PPP1R9A: variants seen among roughly 807,000 people sequenced by gnomAD.
The protein encoded by PPP1R9A is neurabin-1.
In PPP1R9A, 59 loss-of-function variants were observed where a neutral mutation model predicts 141.9. The ratio of observed to expected loss-of-function variants is 0.42; its 90% CI spans 0.34 to 0.52. The LOEUF (loss-of-function observed/expected upper bound fraction) is 0.52. Among genes scored for constraint, PPP1R9A ranks in the 20% least tolerant of loss-of-function variants. PPP1R9A has a pLI of 0.10. For synonymous variants in PPP1R9A, 500 were observed against 569.7 expected, an observed-to-expected ratio of 0.88 and a Z score of 1.74; for missense variants, 1,444 against 1,611.9, an observed-to-expected ratio of 0.90 and a Z score of 1.78.
chr7:95,270,447 A>G (rs1801999704), intron 14 of PPP1R9A, among the ~76,000 whole-genome samples: 1 of 152,172 alleles, frequency 6.6e-6, no homozygotes, highest in Admixed American at 6.6e-5. Flanking sequence ...TCAATACCAC[A>G]TTTACAAATC....
At chr7:94,919,511 T>C (rs955220329) in intron 2 of PPP1R9A, among the ~76,000 whole-genome samples, 4 of 152,086 alleles carry the variant, frequency 2.6e-5, no homozygotes, top group Non-Finnish European at 5.9e-5. Flanking sequence ...TTGGTCTTTT[T>C]ATAGCGTGAA....
At chr7:95,231,141 TAA>T (rs979328419) in intron 8 of PPP1R9A, among the ~76,000 whole-genome samples, 8 of 151,898 alleles carry the variant, frequency 5.3e-5, no homozygotes, top group Admixed American at 5.3e-4. Flanking sequence ...CAACAGCAGT[TAA>T]AAAAAGACAA....
At chr7:94,917,296 A>G (rs1792200355) in intron 2 of PPP1R9A, among the ~76,000 whole-genome samples, 2 of 152,198 alleles carry the variant, frequency 1.3e-5, no homozygotes, top group African/African-American at 4.8e-5. Context: ...TTTTAAACTG[A>G]ACAGTGATCA....
At chr7:95,049,744 T>A (rs1002612396) in intron 2 of PPP1R9A, among the ~76,000 whole-genome samples, 2 of 152,236 alleles carry the variant, frequency 1.3e-5, no homozygotes, top group African/African-American at 4.8e-5. Context: ...TTTGCCCTTT[T>A]CAGAATGTAC....
intron 2 of PPP1R9A, among the ~76,000 whole-genome samples, chr7:95,056,913 A>G (rs1811569473): frequency 6.6e-6 from 1 of 152,166 alleles, no homozygotes; most frequent in Non-Finnish European, 1.5e-5. Flanking sequence ...AAAAATTATC[A>G]GACACACCTT....
intron 12 of PPP1R9A, among the ~76,000 whole-genome samples, chr7:95,258,637 A>G (rs938902519): frequency 3.3e-5 from 5 of 152,212 alleles, no homozygotes; most frequent in Non-Finnish European, 7.4e-5. Flanking sequence ...TGTTGTCCAC[A>G]ATAAATTAAG....
intron 9 of PPP1R9A, among the ~76,000 whole-genome samples, chr7:95,248,503 G>A (rs1798450818): frequency 6.6e-6 from 1 of 152,062 alleles, no homozygotes; most frequent in Non-Finnish European, 1.5e-5. Context: ...AGTGGCGGTT[G>A]CTAAATAAAC....
chr7:95,079,706 C>G (rs1287029264), intron 2 of PPP1R9A, among the ~76,000 whole-genome samples: 2 of 152,182 alleles, frequency 1.3e-5, no homozygotes, highest in African/African-American at 4.8e-5. Context: ...TACTGGCAAA[C>G]TGAATCCAGC....
At chr7:94,957,422 A>G (rs938461937) in intron 2 of PPP1R9A, among the ~76,000 whole-genome samples, 2 of 152,068 alleles carry the variant, frequency 1.3e-5, no homozygotes, top group African/African-American at 4.8e-5. Context: ...AAAATAAATG[A>G]TTTTGCTAGA....
chr7:95,238,809 T>G (rs1184328175), intron 8 of PPP1R9A, among the ~76,000 whole-genome samples: 2 of 152,166 alleles, frequency 1.3e-5, no homozygotes, highest in Non-Finnish European at 2.9e-5. Flanking sequence ...TTGTCATACT[T>G]GATTGTTTAA....
rs918166765 is a variant in PPP1R9A at position 95,293,333 on chromosome 7, G to A, written c.*3030G>A. 2.6e-5 allele frequency: 4 copies of A among 152,108 alleles called. No homozygotes were observed. The highest frequency in any genetic ancestry group is 2.0e-4 in the Admixed American group (3 of 15,272). The allele number at this position is 152,108 out of a possible 1,614,324, so 9.4% of individuals were successfully genotyped here. On this transcript the variant is annotated 3_prime_UTR_variant, in exon 20 of 20. Transcript: ENST00000433360. ...TCAGGAATTTTCTGCAGAATGTTAAGTTAGGGAAGAAACCTCATTTCATCC... is the reference window on the plus strand; with the variant it reads ...TCAGGAATTTTCTGCAGAATGTTAAATTAGGGAAGAAACCTCATTTCATCC...
chr7:94,992,844 TTATTTATTCTGAATATAAGTAATA>T (rs1254724072), intron 2 of PPP1R9A, among the ~76,000 whole-genome samples: 1 of 152,094 alleles, frequency 6.6e-6, no homozygotes, highest in African/African-American at 2.4e-5. Flanking sequence ...GTTTTAAGAG[TTATTTATTCTGAATATAAGTAATA>T]TATTTATTCT....
chr7:95,072,822 AT>A (rs1352795247), intron 2 of PPP1R9A, among the ~76,000 whole-genome samples: 6 of 61,932 alleles, frequency 9.7e-5, no homozygotes, highest in African/African-American at 4.5e-4. Context: ...TATAATAATT[AT>A]TATATATATA....
Position 95,269,037 on chromosome 7 carries a change from C to T in PPP1R9A, c.2824-170C>T, listed in dbSNP as rs554590707. Among the ~76,000 whole-genome samples, 7 of 152,176 alleles carry T rather than the reference C, an allele frequency of 4.6e-5. No individual in the cohort carries two copies. In the East Asian group the frequency reaches 5.8e-4, roughly 13 times the overall value. On this transcript the variant is annotated intron_variant, in intron 13 of 19. Coordinates refer to ENST00000433360, the MANE Select transcript of PPP1R9A (RefSeq NM_001166160.2). The stretch of plus-strand genomic sequence containing the variant: ...AGGTCTTAGGTATATGTATTAGTGA[C>T]GATGTTAATATGGTGAATTGGTATG...
chr7:95,258,543 T>C (rs1421150219), intron 12 of PPP1R9A, among the ~76,000 whole-genome samples: 1 of 152,114 alleles, frequency 6.6e-6, no homozygotes, highest in Admixed American at 6.6e-5. Context: ...AATCTGATCA[T>C]TAAAAGACAT....
intron 2 of PPP1R9A, among the ~76,000 whole-genome samples, chr7:95,102,767 G>A (rs1425202030): frequency 6.6e-6 from 1 of 152,108 alleles, no homozygotes; most frequent in Non-Finnish European, 1.5e-5. Flanking sequence ...CTACTTACTT[G>A]TAAGGAAGTC....
intron 2 of PPP1R9A, among the ~76,000 whole-genome samples, chr7:95,013,147 T>A (rs926903086): frequency 6.6e-6 from 1 of 152,130 alleles, no homozygotes; most frequent in Non-Finnish European, 1.5e-5. Flanking sequence ...CACTTGACCA[T>A]TTTTAATCTT....
chr7:94,973,429 C>T lies in PPP1R9A; in HGVS notation c.1395+61921C>T, dbSNP rs1405939703. On this transcript the variant is annotated intron_variant, in intron 2 of 19. Coordinates refer to ENST00000433360, the MANE Select transcript of PPP1R9A (RefSeq NM_001166160.2). ...AAAGCGAGTTTGGGACTTAAGCATT[C>T]CCTTGAAGAATAGATGGATAAGAAA... Among the ~76,000 whole-genome samples the T allele has an allele frequency of 2.6e-5, 4 of 152,038 alleles. No individual in the cohort carries two copies. In the East Asian group the frequency reaches 7.7e-4, roughly 29 times the overall value.
At chr7:95,099,227 G>A (rs776085539) in intron 2 of PPP1R9A, among the ~76,000 whole-genome samples, 7 of 152,190 alleles carry the variant, frequency 4.6e-5, no homozygotes, top group Non-Finnish European at 7.3e-5. Flanking sequence ...CTTGGAATGA[G>A]GAGTAAGTTA....
Sources: gnomAD v4.1 joint callset for allele counts (sites outside exome capture counted in the v4.1 genomes callset) on GRCh38, gnomAD v4.1.1 for gene constraint, MANE v1.5 for transcripts, NCBI Gene and HGNC (gene_info 2026-07-23, HGNC 2026-07-21) for gene names.